The following TEX14 variants were observed in gnomAD, a reference collection of about 807,000 sequenced individuals.
TEX14 encodes testis expressed 14, intercellular bridge forming factor.
In TEX14, 168 loss-of-function variants were observed where a neutral mutation model predicts 178.6. The observed-to-expected ratio is 0.94, with a 90% CI of 0.83 to 1.07. TEX14 has a LOEUF of 1.07. Ranked by LOEUF, TEX14 falls within the 50% of genes least tolerant of loss-of-function variation. The pLI is 0.00. For missense variants in TEX14, 1,730 were observed against 1,753.6 expected, an observed-to-expected ratio of 0.99 and a Z score of 0.24; for synonymous variants, 626 against 634.1, an observed-to-expected ratio of 0.99 and a Z score of 0.19.
At chr17:58,652,773 A>ACCTGCT (rs2046866943) in intron 1 of TEX14, among the ~76,000 whole-genome samples, 1 of 152,198 alleles carries the variant, frequency 6.6e-6, no homozygotes. Flanking sequence ...TCATTATGTA[A>ACCTGCT]AGCTAGATAG....
At chr17:58,573,654 GACT>G (rs1173903995) in intron 22 of TEX14, among the ~76,000 whole-genome samples, 6 of 152,064 alleles carry the variant, frequency 3.9e-5, no homozygotes, top group African/African-American at 1.4e-4. Context: ...GGGTAGCTGG[GACT>G]ACAAGCGTGT....
rs141468911 is a variant in TEX14, at chr17:58,607,149, A to G, written c.1185-2020T>C. The stretch of plus-strand genomic sequence containing the variant: ...GATATGCCCTAGTAGAGTGTTACCA[A>G]AAATAAATGTGGGATTGAAGGCTAC... On this transcript the variant is annotated intron_variant, in intron 10 of 31. Coordinates refer to ENST00000349033, the MANE Select transcript of TEX14 (RefSeq NM_031272.5). 5.6e-4 allele frequency among the ~76,000 whole-genome samples: 85 copies of G among 152,284 alleles called. 1 individual carries two copies. Among genetic ancestry groups the G allele is most frequent in the African/African-American group, 1.9e-3 (81 of 41,564 alleles).
In TEX14 at chr17:58,561,549, C is replaced by T. The variant is rs752329595; in HGVS notation, c.4128G>A (p.Glu1376=). ...RWLQPPEESV[E]LQDLPKGSER... ...CAGAGCCCTTGGGAAGGTCTTGTAGCTCCACGCTCTCCTCAGGTGGCTGCA... is the reference window on the plus strand; with the variant it reads ...CAGAGCCCTTGGGAAGGTCTTGTAGTTCCACGCTCTCCTCAGGTGGCTGCA... Residue 1376 remains glutamate, a synonymous_variant, in exon 29 of 32, where the codon GAG becomes GAA. Coordinates refer to ENST00000349033, the MANE Select transcript of TEX14 (RefSeq NM_031272.5). 1.2e-6 allele frequency: 2 copies of T among 1,613,876 alleles called. No individual in the cohort carries two copies. The highest frequency in any genetic ancestry group is 2.2e-5 in the South Asian group (2 of 91,074).
At chr17:58,676,482 C>T (rs2047397265) in intron 1 of TEX14, among the ~76,000 whole-genome samples, 1 of 151,988 alleles carries the variant, frequency 6.6e-6, no homozygotes, top group Non-Finnish European at 1.5e-5. Context: ...ATCACTTGAA[C>T]CTGGGAGGCA....
At chr17:58,581,079 G>A (rs1436470017) in intron 19 of TEX14, among the ~76,000 whole-genome samples, 3 of 152,148 alleles carry the variant, frequency 2.0e-5, no homozygotes, top group African/African-American at 7.2e-5. Context: ...TTGGGAGGCC[G>A]AGGCGGGCGG....
chr17:58,602,542 A>G lies in TEX14; in HGVS notation c.1385T>C (p.Val462Ala). 5.6e-6 allele frequency: 9 copies of G among 1,614,018 alleles called. No homozygotes were observed. Among genetic ancestry groups the G allele is most frequent in the Non-Finnish European group, 7.6e-6 (9 of 1,180,016 alleles). ...AGCTTCTAAATAATTCCCCGAGACTACGGCTTTTTTAACAACTGAGCCATC... is the reference window on the plus strand; with the variant it reads ...AGCTTCTAAATAATTCCCCGAGACTGCGGCTTTTTTAACAACTGAGCCATC... The part of the protein sequence containing the change: ...GLDGSVVKKA[V>A]VSGNYLEADV... Residue 462 changes from valine to alanine, a missense_variant, in exon 12 of 32, where the codon GTA (valine) becomes GCA (alanine). Val to Ala is a moderately conservative substitution (Grantham distance 64, BLOSUM62 0). This residue lies in a region of TEX14 where 789 missense variants were observed against 681.2 expected (regional missense o/e 1.16). Coordinates refer to ENST00000349033, the MANE Select transcript of TEX14 (RefSeq NM_031272.5).
rs758701756 is a variant in TEX14, at chr17:58,587,576, C to T, written c.2788+5G>A. On this transcript the variant is annotated splice_donor_5th_base_variant and intron_variant, in intron 17 of 31. Coordinates refer to ENST00000349033, the MANE Select transcript of TEX14 (RefSeq NM_031272.5). ...GTCTAATAAAACCCATGACTTTATA[C>T]TCACTTTTCCATTTTAAGTGTACCT... The T allele has an allele frequency of 1.4e-5, 22 of 1,530,028 alleles. No individual in the cohort carries two copies. The highest frequency in any genetic ancestry group is 2.0e-5 in the Non-Finnish European group (22 of 1,112,370). 94.8% of individuals were successfully genotyped at this position (1,530,028 alleles called of 1,614,324 possible).
At chr17:58,661,345 C>T (rs1483219510) in intron 1 of TEX14, 2 of 903,602 alleles carry the variant, frequency 2.2e-6, no homozygotes, top group Non-Finnish European at 3.8e-6. Context: ...CTCCTTGAAA[C>T]GCTGGCACCA....
chr17:58,601,724 G>C (rs1459983127), intron 13 of TEX14, 82 bp downstream of exon 13: 2 of 1,279,282 alleles, frequency 1.6e-6, no homozygotes, highest in African/African-American at 1.5e-5. Context: ...CTACAGTTTA[G>C]AGGAGTCAAT....
intron 2 of TEX14, among the ~76,000 whole-genome samples, chr17:58,643,105 G>T (rs951148298): frequency 1.3e-5 from 2 of 152,218 alleles, no homozygotes; most frequent in African/African-American, 2.4e-5. Flanking sequence ...CTGAATGAAT[G>T]ATGAATTCAT....
intron 19 of TEX14, 36 bp downstream of exon 19, chr17:58,584,464 T>A: frequency 4.9e-6 from 7 of 1,420,898 alleles, no homozygotes; most frequent in Non-Finnish European, 7.0e-6. Context: ...ATTAGATCTT[T>A]GGGTTCAACT....
chr17:58,559,100 G>A (rs1477948992), intron 30 of TEX14, among the ~76,000 whole-genome samples: 2 of 152,130 alleles, frequency 1.3e-5, no homozygotes, highest in African/African-American at 2.4e-5. Context: ...AACCCAGGAG[G>A]CAGAGGTTGC....
chr17:58,641,488 TTTA>T (rs373086043), intron 2 of TEX14, among the ~76,000 whole-genome samples: 138 of 143,638 alleles, frequency 9.6e-4, no homozygotes, highest in African/African-American at 1.7e-3. Context: ...TTCTCTTTTA[TTTA>T]TTATTATTAT....
rs562137828 is a variant in TEX14, at chr17:58,599,247, G to A, written c.2098C>T (p.Leu700Phe). 2.1e-4 allele frequency: 346 copies of A among 1,613,894 alleles called. No homozygotes were observed. The South Asian group carries it at 3.6e-3, about 17-fold the overall frequency. ...GACTCAGGAAGGCTGAGTGAACTGAGTGAACCGTTTTGCCAGTCCCAGTCA... is the reference window on the plus strand; with the variant it reads ...GACTCAGGAAGGCTGAGTGAACTGAATGAACCGTTTTGCCAGTCCCAGTCA... ...FDDWDWQNGS[L>F]SSLSLPESTR... Residue 700 changes from leucine (L) to phenylalanine (F), a missense_variant, in exon 14 of 32, where the codon CTC (leucine) becomes TTC (phenylalanine). Coordinates refer to ENST00000349033, the MANE Select transcript of TEX14 (RefSeq NM_031272.5).
intron 28 of TEX14, among the ~76,000 whole-genome samples, chr17:58,562,562 C>T (rs1462225498): frequency 1.3e-5 from 2 of 151,752 alleles, no homozygotes; most frequent in African/African-American, 4.8e-5. Context: ...TGGAGTGCAG[C>T]GGCACCATCT....
chr17:58,592,566 C>T (rs1312476529), intron 15 of TEX14, among the ~76,000 whole-genome samples: 1 of 151,760 alleles, frequency 6.6e-6, no homozygotes, highest in Non-Finnish European at 1.5e-5. Flanking sequence ...GATCTCCTGA[C>T]CTCGTGATCT....
chr17:58,687,442 G>A (rs1456401352), intron 1 of TEX14, among the ~76,000 whole-genome samples: 7 of 151,940 alleles, frequency 4.6e-5, no homozygotes, highest in Non-Finnish European at 1.0e-4. Flanking sequence ...AGGTCCGTGC[G>A]GGTTACAGAG....
rs2045209339 is a variant in TEX14 at position 58,593,579 on chromosome 17, G to A, written c.2552C>T (p.Thr851Ile). 1 of 1,613,970 alleles carries A rather than the reference G, an allele frequency of 6.2e-7. No homozygotes were observed. The change falls in exon 15 of 32, where the codon ACA (threonine) becomes ATA (isoleucine). Residue 851 changes from threonine to isoleucine, a missense_variant. Coordinates refer to ENST00000349033, the MANE Select transcript of TEX14 (RefSeq NM_031272.5). ...CTQGAKDSLE[T>I]SRIQNTSSQG... ...CCTACTGGTATTTTGGATCCTGCTT[G>A]TTTCCAAACTGTCCTTGGCTCCTTG...
intron 3 of TEX14, among the ~76,000 whole-genome samples, chr17:58,626,597 C>T (rs1353882651): frequency 2.7e-5 from 4 of 148,118 alleles, no homozygotes; most frequent in Non-Finnish European, 5.9e-5. Flanking sequence ...AAAAAAGCCT[C>T]CTGGCTGGGT....
Sources: gnomAD v4.1 joint callset for allele counts (sites outside exome capture counted in the v4.1 genomes callset) on GRCh38, gnomAD v4.1.1 for gene constraint, gnomAD v4.1.1 regional missense constraint, MANE v1.5 for transcripts, NCBI Gene and HGNC (gene_info 2026-07-23, HGNC 2026-07-21) for gene names.